TNRC6A: variants seen among roughly 807,000 people sequenced by gnomAD.
The protein encoded by TNRC6A is trinucleotide repeat containing adaptor 6A.
In TNRC6A, 44 loss-of-function variants were observed where a neutral mutation model predicts 221.2. The ratio of observed to expected loss-of-function variants is 0.20; its 90% CI spans 0.16 to 0.26. TNRC6A has a LOEUF of 0.26. TNRC6A is among the 10% of genes least tolerant of loss of function. The probability of loss-of-function intolerance (pLI) is 1.00; values close to 1 mark genes in which losing one functional copy is unlikely to be tolerated. For synonymous variants in TNRC6A, 847 were observed against 838.5 expected (o/e 1.01, Z -0.18); for missense variants, 2,199 against 2,404.4 (o/e 0.91, Z 1.79).
intron 5 of TNRC6A, among the ~76,000 whole-genome samples, 190 bp downstream of exon 5, chr16:24,777,548 G>T (rs985900044): frequency 2.6e-5 from 4 of 152,144 alleles, no homozygotes; most frequent in African/African-American, 9.7e-5. Context: ...ACTTTAAAAT[G>T]ATTATTTTAA....
Position 24,778,568 on chromosome 16 carries a change from A to G in TNRC6A, c.589+1210A>G. The G allele has an allele frequency of 9.0e-6, 8 of 888,876 alleles. No homozygotes were observed. In the South Asian group the frequency reaches 4.1e-4, roughly 46 times the overall value. The allele number at this position is 888,876 out of a possible 1,614,324, so 55.1% of individuals were successfully genotyped here. On this transcript the variant is annotated intron_variant, in intron 5 of 24. Coordinates refer to ENST00000395799, the MANE Select transcript of TNRC6A (RefSeq NM_014494.4). ...CTTGCTAATTTCCCAGCACCTTATTACCTGTGTGAGCTTGGCCATAACACA... is the reference window on the plus strand; with the variant it reads ...CTTGCTAATTTCCCAGCACCTTATTGCCTGTGTGAGCTTGGCCATAACACA...
intron 2 of TNRC6A, among the ~76,000 whole-genome samples, chr16:24,648,401 G>C (rs1410080604): frequency 6.6e-6 from 1 of 151,198 alleles, no homozygotes; most frequent in Non-Finnish European, 1.5e-5. Context: ...CTCCCAAGTA[G>C]CTAGGACTAC....
intron 20 of TNRC6A, among the ~76,000 whole-genome samples, chr16:24,817,232 C>T (rs753102873): frequency 1.3e-5 from 2 of 151,990 alleles, no homozygotes; most frequent in Non-Finnish European, 2.9e-5. Context: ...TTTTATCATC[C>T]CTTAGTATGG....
intron 2 of TNRC6A, among the ~76,000 whole-genome samples, chr16:24,733,618 G>A (rs1320744831): frequency 6.6e-6 from 1 of 152,218 alleles, no homozygotes; most frequent in African/African-American, 2.4e-5. Context: ...AAGTACAGGA[G>A]ATTTTGATAT....
chr16:24,777,392 T>G, intron 5 of TNRC6A, 34 bp downstream of exon 5: 1 of 1,575,942 alleles, frequency 6.3e-7, no homozygotes, highest in Non-Finnish European at 8.6e-7. Flanking sequence ...GACTCACACC[T>G]TATCATCATT....
In TNRC6A at chr16:24,826,156, A is replaced by G. The variant is rs771725778; in HGVS notation, c.*2349A>G. 6 of 152,610 alleles carry G rather than the reference A, an allele frequency of 3.9e-5. No individual in the cohort carries two copies. Among genetic ancestry groups the G allele is most frequent in the Non-Finnish European group, 5.9e-5 (4 of 68,030 alleles). 9.5% of individuals were successfully genotyped at this position (152,610 alleles called of 1,614,324 possible). On this transcript the variant is annotated 3_prime_UTR_variant, in exon 25 of 25. Transcript: ENST00000395799. ...TATAATTCATAACTGCGTTAATTGT[A>G]TTGTTAAAGTGTTTGGGAGTTTTTT...
intron 2 of TNRC6A, among the ~76,000 whole-genome samples, chr16:24,749,900 G>A (rs1352285301): frequency 6.6e-6 from 1 of 152,150 alleles, no homozygotes; most frequent in Admixed American, 6.5e-5. Flanking sequence ...AACACTTTGG[G>A]AGGTCAAGGT....
Position 24,818,652 on chromosome 16 carries a change from G to A in TNRC6A, c.5032G>A (p.Ala1678Thr). The change falls in exon 21 of 25, where the codon GCC becomes ACC. Residue 1678 changes from alanine to threonine, a missense_variant. Coordinates refer to ENST00000395799, the MANE Select transcript of TNRC6A (RefSeq NM_014494.4). ...AACTAGTGCCTGGTCATCCATTCGTGCCTCCAACTACAACGTTCCCCTCAG... is the reference window on the plus strand; with the variant it reads ...AACTAGTGCCTGGTCATCCATTCGTACCTCCAACTACAACGTTCCCCTCAG... ...PSTSAWSSIR[A>T]SNYNVPLSST... The A allele has an allele frequency of 6.2e-7, 1 of 1,614,132 alleles. No homozygotes were observed. Among genetic ancestry groups the A allele is most frequent in the Non-Finnish European group, 8.5e-7 (1 of 1,180,020 alleles).
Position 24,824,029 on chromosome 16 carries a change from C to T in TNRC6A, c.*222C>T. ...ACTCTATTTACACTCCCAAATAGCG[C>T]CATACATGCTAAACCGTAGAGAATG... On this transcript the variant is annotated 3_prime_UTR_variant, in exon 25 of 25. Coordinates refer to ENST00000395799, the MANE Select transcript of TNRC6A (RefSeq NM_014494.4). The T allele has an allele frequency of 2.7e-6, 1 of 375,098 alleles. No individual in the cohort carries two copies. Among genetic ancestry groups the T allele is most frequent in the East Asian group, 3.9e-5 (1 of 25,644 alleles). 23.2% of individuals were successfully genotyped at this position (375,098 alleles called of 1,614,324 possible).
chr16:24,710,799 C>T (rs1480068325), intron 2 of TNRC6A, among the ~76,000 whole-genome samples: 1 of 151,614 alleles, frequency 6.6e-6, no homozygotes, highest in East Asian at 1.9e-4. Context: ...GCAACCTCCG[C>T]CTCCCGAGTT....
intron 2 of TNRC6A, among the ~76,000 whole-genome samples, chr16:24,737,752 C>G (rs1596577348): frequency 6.6e-6 from 1 of 152,190 alleles, no homozygotes; most frequent in African/African-American, 2.4e-5. Context: ...GAGCAGTTTG[C>G]TGCAATAATA....
rs1156306144 is a variant in TNRC6A, at chr16:24,809,474, C to T, written c.4665C>T (p.Ser1555=). The T allele has an allele frequency of 4.8e-6, 7 of 1,458,204 alleles. No homozygotes were observed. The highest frequency in any genetic ancestry group is 6.3e-6 in the Non-Finnish European group (7 of 1,106,104). The allele number at this position is 1,458,204 out of a possible 1,614,324, so 90.3% of individuals were successfully genotyped here. Residue 1555 remains serine (S), a synonymous_variant, in exon 18 of 25, where the codon AGC becomes AGT. Transcript: ENST00000395799. ...SVNTSLDQNS[S]KHGAISSGFR... ...ACACATCTTTGGATCAAAACTCCAG[C>T]AAACATGGTACAAAAGATACATCTT... is the stretch of plus-strand genomic sequence containing the variant.
intron 2 of TNRC6A, among the ~76,000 whole-genome samples, chr16:24,675,279 T>C (rs779166613): frequency 2.6e-5 from 4 of 152,200 alleles, no homozygotes; most frequent in Non-Finnish European, 5.9e-5. Flanking sequence ...GCAAGAGAAG[T>C]ACAAAAAGAT....
intron 2 of TNRC6A, chr16:24,663,022 G>A (rs1310335749): frequency 6.5e-6 from 1 of 153,740 alleles, no homozygotes; most frequent in Non-Finnish European, 1.5e-5. Context: ...GCTTAGAAGA[G>A]GATATGAGAT....
chr16:24,704,651 C>A (rs1342985762), intron 2 of TNRC6A, among the ~76,000 whole-genome samples: 2 of 71,074 alleles, frequency 2.8e-5, no homozygotes, highest in African/African-American at 5.5e-5. Context: ...GGTGACAGAA[C>A]AAGACTCCGT....
At chr16:24,758,403 G>A in intron 4 of TNRC6A, 43 bp downstream of exon 4, 1 of 1,597,720 alleles carries the variant, frequency 6.3e-7, no homozygotes, top group Non-Finnish European at 8.6e-7. Context: ...TTTCATTAAA[G>A]CAAGGTTGTT....
chr16:24,667,327 C>T (rs1567339340), intron 2 of TNRC6A, among the ~76,000 whole-genome samples: 2 of 152,122 alleles, frequency 1.3e-5, no homozygotes, highest in African/African-American at 4.8e-5. Context: ...CTGCAGAAGA[C>T]AGGCCTGGCC....
chr16:24,644,755 T>A (rs1902187603), intron 2 of TNRC6A, among the ~76,000 whole-genome samples: 1 of 152,138 alleles, frequency 6.6e-6, no homozygotes, highest in Admixed American at 6.6e-5. Flanking sequence ...ACCCAGCCCA[T>A]CACTATTGAA....
intron 4 of TNRC6A, among the ~76,000 whole-genome samples, chr16:24,764,007 G>A (rs1157211273): frequency 6.6e-6 from 1 of 152,066 alleles, no homozygotes; most frequent in Non-Finnish European, 1.5e-5. Flanking sequence ...TACTCTCAGC[G>A]AATTTCCAGT....
Sources: allele counts gnomAD v4.1 joint callset (sites outside exome capture counted in the v4.1 genomes callset), GRCh38; gene constraint gnomAD v4.1.1; transcripts MANE v1.5; gene names NCBI Gene and HGNC (gene_info 2026-07-23, HGNC 2026-07-21).